AKAP8L: variants seen among roughly 807,000 people sequenced by gnomAD.
AKAP8L encodes the protein A-kinase anchoring protein 8 like.
AKAP8L carries 34 observed loss-of-function variants against 77.5 expected under a neutral mutation model. The observed-to-expected ratio is 0.44, with a 90% confidence interval of 0.33 to 0.58. The LOEUF (loss-of-function observed/expected upper bound fraction) is 0.58. Ranked by LOEUF, AKAP8L falls within the 20% of genes least tolerant of loss-of-function variation. AKAP8L has a pLI of 0.02. For missense variants in AKAP8L, 806 were observed against 887.6 expected (o/e 0.91, Z 1.17); for synonymous variants, 342 against 340.7 (o/e 1.00, Z -0.04).
rs974941067 is a variant in AKAP8L at position 15,399,191 on chromosome 19, C to T, written c.1157+111G>A. The T allele has an allele frequency of 1.2e-5, 11 of 946,736 alleles. No homozygotes were observed. Among genetic ancestry groups the T allele is most frequent in the South Asian group, 2.9e-5 (2 of 68,782 alleles). 58.6% of individuals were successfully genotyped at this position (946,736 alleles called of 1,614,324 possible). On this transcript the variant is annotated intron_variant, in intron 9 of 13. Transcript: ENST00000397410. The surrounding 1 kb of genome is among the most constrained non-coding windows in gnomAD (Gnocchi z 6.1). ...GGTCCATGCACGGCCGAGCAGGTGG[C>T]GGCTCCCAAGGGAGGCCAGAGGGCG...
Position 15,398,824 on chromosome 19 carries a change from G to A in AKAP8L, c.1157+478C>T. 9.8e-7 allele frequency: 1 copy of A among 1,015,614 alleles called. No individual in the cohort carries two copies. The highest frequency in any genetic ancestry group is 1.2e-6 in the Non-Finnish European group (1 of 848,118). The allele number at this position is 1,015,614 out of a possible 1,614,324, so 62.9% of individuals were successfully genotyped here. A position where few individuals can be genotyped will look rare whatever the true frequency, so the allele number is the denominator to read the frequency against. ...AAGGGCTCAGCCGCAGACAGGCCCGGCCTGACAGGGCCGGCGGGCAGGGCA... is the reference window on the plus strand; with the variant it reads ...AAGGGCTCAGCCGCAGACAGGCCCGACCTGACAGGGCCGGCGGGCAGGGCA... On this transcript the variant is annotated intron_variant, in intron 9 of 13. Coordinates refer to ENST00000397410, the MANE Select transcript of AKAP8L (RefSeq NM_014371.4). The surrounding 1 kb of genome is among the most constrained non-coding windows in gnomAD (Gnocchi z 9.2).
In AKAP8L at chr19:15,398,339, G is replaced by T; in HGVS notation, c.1158-484C>A. The T allele has an allele frequency of 5.7e-6, 1 of 173,916 alleles. No individual in the cohort carries two copies. The highest frequency in any genetic ancestry group is 1.2e-5 in the Non-Finnish European group (1 of 80,334). The allele number at this position is 173,916 out of a possible 1,614,324, so 10.8% of individuals were successfully genotyped here. A position where few individuals can be genotyped will look rare whatever the true frequency, so the allele number is the denominator to read the frequency against. The stretch of plus-strand genomic sequence containing the variant: ...GGGATCTGGGGGACTCAAAGGCCCA[G>T]CCCATCCTCTGCTCAGAATGCTTGG... On this transcript the variant is annotated intron_variant, in intron 9 of 13. Coordinates refer to ENST00000397410, the MANE Select transcript of AKAP8L (RefSeq NM_014371.4). This position sits in a 1 kb window ranked among gnomAD's most constrained non-coding sequence, Gnocchi z 9.2.
At chr19:15,388,524 G>A (rs1599592513) in intron 12 of AKAP8L, among the ~76,000 whole-genome samples, 1 of 152,236 alleles carries the variant, frequency 6.6e-6, no homozygotes, top group Middle Eastern at 3.4e-3. Context: ...CACAGAGATA[G>A]AAATGATAAT....
chr19:15,400,815 A>G lies in AKAP8L; in HGVS notation c.963T>C (p.Ala321=). 6.2e-7 allele frequency: 1 copy of G among 1,614,012 alleles called. No homozygotes were observed. The highest frequency in any genetic ancestry group is 2.2e-5 in the East Asian group (1 of 44,880). The stretch of plus-strand genomic sequence containing the variant: ...TTACCACTCTGGAGCCCTTCTCCAC[A>G]GCCTCGGTGCCTTCAAGGCCCTCTG... ...EATEGLEGTE[A]VEKGSRVDGE... The change falls in exon 7 of 14, where the codon GCT becomes GCC. Residue 321 remains alanine (A), a synonymous_variant. Transcript: ENST00000397410.
At position 15,410,465 on chromosome 19, in the gene AKAP8L, A is replaced by C. The variant is rs866111270; in HGVS notation, c.88+55T>G. 4.8e-6 allele frequency: 7 copies of C among 1,465,050 alleles called. No individual in the cohort carries two copies. In the South Asian group the frequency reaches 6.2e-5, roughly 13 times the overall value. 90.8% of individuals were successfully genotyped at this position (1,465,050 alleles called of 1,614,324 possible). A position where few individuals can be genotyped will look rare whatever the true frequency, so the allele number is the denominator to read the frequency against. ...ACAGCAAAGCCAAAGGCAACTAAGA[A>C]GACAAGGAACTGCTCTGCAGAACAC... On this transcript the variant is annotated intron_variant, in intron 2 of 13. Transcript: ENST00000397410.
At chr19:15,416,529 G>A (rs745972151) in intron 1 of AKAP8L, among the ~76,000 whole-genome samples, 1 of 152,162 alleles carries the variant, frequency 6.6e-6, no homozygotes, top group Non-Finnish European at 1.5e-5. Context: ...TTGGAGGTGG[G>A]ACCTCCAGCC....
chr19:15,411,836 T>C (rs1968110736), intron 1 of AKAP8L, among the ~76,000 whole-genome samples: 1 of 152,024 alleles, frequency 6.6e-6, no homozygotes, highest in Admixed American at 6.6e-5. Flanking sequence ...GGTGGACTGG[T>C]TGAGGCCAGG....
intron 12 of AKAP8L, among the ~76,000 whole-genome samples, chr19:15,396,859 G>A (rs901278259): frequency 5.3e-5 from 8 of 152,202 alleles, no homozygotes; most frequent in Admixed American, 4.6e-4. Context: ...AGCAACACTT[G>A]CACTGTATCA....
chr19:15,407,469 T>C (rs912462159), intron 2 of AKAP8L, among the ~76,000 whole-genome samples: 4 of 152,078 alleles, frequency 2.6e-5, no homozygotes, highest in Non-Finnish European at 5.9e-5. Context: ...CAATTGTGTA[T>C]GTAAAAAAAT....
chr19:15,380,292 C>G lies in AKAP8L; in HGVS notation c.1771G>C (p.Val591Leu). ...GCCCCGGGGGCTGGCTCTGGGGGCA[C>G]GGGAGGCTGCGCCGGCACGCCCTCT... ...GAEGVPAQPP[V>L]PPEPAPGAVS... is the part of the protein sequence containing the mutation. The change falls in exon 14 of 14, where the codon GTG (valine) becomes CTG (leucine). Residue 591 changes from valine to leucine, a missense_variant. By Grantham distance (32) the Val-to-Leu change is conservative. Transcript: ENST00000397410. 1.3e-6 allele frequency: 2 copies of G among 1,528,614 alleles called. No homozygotes were observed. The highest frequency in any genetic ancestry group is 1.7e-6 in the Non-Finnish European group (2 of 1,144,248). 94.7% of individuals were successfully genotyped at this position (1,528,614 alleles called of 1,614,324 possible).
intron 12 of AKAP8L, among the ~76,000 whole-genome samples, chr19:15,384,741 G>A (rs1325945621): frequency 6.6e-6 from 1 of 152,080 alleles, no homozygotes; most frequent in Non-Finnish European, 1.5e-5. Context: ...ACGCTATTTT[G>A]AATCCCATCC....
Position 15,398,112 on chromosome 19 carries a change from G to C in AKAP8L, c.1158-257C>G. The C allele has an allele frequency of 2.0e-6, 1 of 506,318 alleles. No individual in the cohort carries two copies. The highest frequency in any genetic ancestry group is 2.4e-5 in the South Asian group (1 of 41,680). The allele number at this position is 506,318 out of a possible 1,614,324, so 31.4% of individuals were successfully genotyped here. A position where few individuals can be genotyped will look rare whatever the true frequency, so the allele number is the denominator to read the frequency against. On this transcript the variant is annotated intron_variant, in intron 9 of 13. Transcript: ENST00000397410. This position sits in a 1 kb window ranked among gnomAD's most constrained non-coding sequence, Gnocchi z 9.2. Reference sequence around the variant, plus strand: ...CCACAGGCAGGAGGCTGAAGCCTGAGACAGCAGCTGCTGCAACAGGCAACG... The same window carrying C: ...CCACAGGCAGGAGGCTGAAGCCTGACACAGCAGCTGCTGCAACAGGCAACG...
chr19:15,412,123 G>C (rs563285944), intron 1 of AKAP8L, among the ~76,000 whole-genome samples: 5 of 152,090 alleles, frequency 3.3e-5, no homozygotes, highest in Admixed American at 6.5e-5. Context: ...CAGGAGAATC[G>C]CTTGAACCCA....
intron 12 of AKAP8L, among the ~76,000 whole-genome samples, chr19:15,393,080 G>C (rs1048485098): frequency 7.2e-5 from 11 of 151,828 alleles, no homozygotes; most frequent in African/African-American, 2.7e-4. Context: ...TCATTCAATG[G>C]GGGGAAAACA....
chr19:15,396,244 G>A (rs1967773935), intron 12 of AKAP8L, among the ~76,000 whole-genome samples: 1 of 151,958 alleles, frequency 6.6e-6, no homozygotes, highest in African/African-American at 2.4e-5. Context: ...GCGAACATCT[G>A]TTCATAAACC....
In AKAP8L at chr19:15,397,362, T is replaced by A; in HGVS notation, c.1406-82A>T. ...TGTTCGAGAAAAAAACCACACCAGC[T>A]CCTCCTCAACTCGCCCTGCCACTTC... On this transcript the variant is annotated intron_variant, in intron 11 of 13. Transcript: ENST00000397410. This position sits in a 1 kb window ranked among gnomAD's most constrained non-coding sequence, Gnocchi z 4.7. 6.4e-7 allele frequency: 1 copy of A among 1,552,824 alleles called. No individual in the cohort carries two copies. The highest frequency in any genetic ancestry group is 2.3e-5 in the East Asian group (1 of 42,676).
At chr19:15,382,096 T>C (rs1057473944) in intron 12 of AKAP8L, 2 of 152,220 alleles carry the variant, frequency 1.3e-5, no homozygotes, top group Non-Finnish European at 2.9e-5. Flanking sequence ...TCCCACGGCA[T>C]TTCCCTGCCC....
intron 2 of AKAP8L, among the ~76,000 whole-genome samples, chr19:15,406,103 C>T (rs981955194): frequency 4.6e-5 from 7 of 152,084 alleles, no homozygotes; most frequent in Admixed American, 3.9e-4. Flanking sequence ...CACCACTTTA[C>T]GTTTTAAGGA....
chr19:15,380,254 T>C lies in AKAP8L; in HGVS notation c.1809A>G (p.Pro603=), dbSNP rs991318508. 2.7e-6 allele frequency: 4 copies of C among 1,497,144 alleles called. No homozygotes were observed. The highest frequency in any genetic ancestry group is 2.2e-4 in the Middle Eastern group (1 of 4,646). 92.7% of individuals were successfully genotyped at this position (1,497,144 alleles called of 1,614,324 possible). Reference sequence around the variant, plus strand: ...CCTCCTCCTCTGGGGGCGGCGGCGGTGGCGGCGACACGGCCCCGGGGGCTG... The same window carrying C: ...CCTCCTCCTCTGGGGGCGGCGGCGGCGGCGGCGACACGGCCCCGGGGGCTG... ...PEPAPGAVSP[P]PPPPPEEEEE... The change falls in exon 14 of 14, where the codon CCA becomes CCG. Residue 603 remains proline, a synonymous_variant. Transcript: ENST00000397410.
Sources: allele counts gnomAD v4.1 joint callset (sites outside exome capture counted in the v4.1 genomes callset), GRCh38; gene constraint gnomAD v4.1.1; non-coding constraint Gnocchi (gnomAD v3.1); transcripts MANE v1.5; gene names NCBI Gene and HGNC (gene_info 2026-07-23, HGNC 2026-07-21).